CNIH3: variants seen among roughly 807,000 people sequenced by gnomAD.
CNIH3 encodes cornichon family AMPA receptor auxiliary protein 3.
In CNIH3, 14 loss-of-function variants were observed where a neutral mutation model predicts 24.1. That is an observed-to-expected ratio of 0.58 (90% CI 0.38 to 0.91). The LOEUF is 0.91. CNIH3 is among the 40% of genes least tolerant of loss of function. The pLI is 0.00. For synonymous variants in CNIH3, 68 were observed against 73.8 expected (o/e 0.92, Z 0.40); for missense variants, 178 against 196.8 (o/e 0.90, Z 0.57).
rs1412921759 is a variant in CNIH3, at chr1:224,740,316, TG to T, written c.*963del. The T allele has an allele frequency of 6.6e-6, 1 of 152,198 alleles. No homozygotes were observed. The highest frequency in any genetic ancestry group is 6.5e-5 in the Admixed American group (1 of 15,280). The allele number at this position is 152,198 out of a possible 1,614,324, so 9.4% of individuals were successfully genotyped here. Reference sequence around the variant, plus strand: ...TTTCCGTTTGGCATTCTCTTTTGGGTGGGAGTTATGCTGGGGGTTGTAAATA... The same window carrying T: ...TTTCCGTTTGGCATTCTCTTTTGGGTGGAGTTATGCTGGGGGTTGTAAATA... On this transcript the variant is annotated 3_prime_UTR_variant, in exon 6 of 6. Transcript: ENST00000272133.
At chr1:224,552,959 G>T (rs1679984866) in intron 3 of CNIH3, among the ~76,000 whole-genome samples, 1 of 150,180 alleles carries the variant, frequency 6.7e-6, no homozygotes, top group African/African-American at 2.4e-5. Context: ...TAGATATTAT[G>T]AATGATATCA....
intron 2 of CNIH3, among the ~76,000 whole-genome samples, chr1:224,533,588 C>T (rs906861825): frequency 3.3e-5 from 5 of 152,106 alleles, no homozygotes; most frequent in African/African-American, 1.2e-4. Context: ...TCTGAAGCCT[C>T]GAGGGGAGAA....
intron 1 of CNIH3, among the ~76,000 whole-genome samples, chr1:224,482,411 A>T (rs1204820339): frequency 2.0e-5 from 3 of 151,970 alleles, no homozygotes; most frequent in African/African-American, 7.3e-5. Context: ...CCTGATTACC[A>T]CTGCTGATTA....
At chr1:224,708,759 T>C (rs920763703) in intron 3 of CNIH3, among the ~76,000 whole-genome samples, 1 of 152,188 alleles carries the variant, frequency 6.6e-6, no homozygotes, top group Non-Finnish European at 1.5e-5. Context: ...TCTCTCCTTT[T>C]TCTCTCCTCC....
chr1:224,445,602 A>G (rs1394017977), intron 1 of CNIH3, among the ~76,000 whole-genome samples: 1 of 141,916 alleles, frequency 7.0e-6, no homozygotes, highest in Non-Finnish European at 1.5e-5. Flanking sequence ...AAAAAGAAAG[A>G]TTGTGTTGCC....
chr1:224,507,099 G>C (rs1454919639), intron 1 of CNIH3, among the ~76,000 whole-genome samples: 1 of 152,126 alleles, frequency 6.6e-6, no homozygotes, highest in Non-Finnish European at 1.5e-5. Flanking sequence ...TCCTGGGCTT[G>C]AGTGACCTGC....
At chr1:224,461,116 C>T (rs1015253117) in intron 1 of CNIH3, among the ~76,000 whole-genome samples, 9 of 151,686 alleles carry the variant, frequency 5.9e-5, no homozygotes, top group African/African-American at 1.7e-4. Context: ...AATTCTTGTG[C>T]GTTGGCTTCC....
At chr1:224,459,420 G>A (rs934954116) in intron 1 of CNIH3, among the ~76,000 whole-genome samples, 3 of 152,120 alleles carry the variant, frequency 2.0e-5, no homozygotes, top group South Asian at 4.1e-4. Flanking sequence ...GACCCTCAGC[G>A]ATATCCCAAG....
intron 1 of CNIH3, among the ~76,000 whole-genome samples, chr1:224,655,280 T>C (rs1044485540): frequency 6.6e-6 from 1 of 152,048 alleles, no homozygotes; most frequent in African/African-American, 2.4e-5. Flanking sequence ...CCTAATAAGA[T>C]CCTTGTGTCT....
intron 4 of CNIH3, chr1:224,574,400 G>A: frequency 2.0e-6 from 1 of 502,206 alleles, no homozygotes; most frequent in African/African-American, 1.9e-5. Context: ...TGAGGTACAT[G>A]GTTCTGGGTG....
intron 1 of CNIH3, among the ~76,000 whole-genome samples, chr1:224,617,966 G>A (rs943471807): frequency 6.6e-6 from 1 of 152,200 alleles, no homozygotes; most frequent in Admixed American, 6.5e-5. Context: ...CCTGCAGGTG[G>A]CGAACCTCCG....
chr1:224,641,569 C>T (rs1349145390), intron 1 of CNIH3, among the ~76,000 whole-genome samples: 1 of 152,192 alleles, frequency 6.6e-6, no homozygotes, highest in Non-Finnish European at 1.5e-5. Context: ...GAACTTCCAG[C>T]CCTGGGACAA....
At chr1:224,723,025 G>A (rs887925031) in intron 3 of CNIH3, among the ~76,000 whole-genome samples, 4 of 152,026 alleles carry the variant, frequency 2.6e-5, no homozygotes, top group African/African-American at 7.3e-5. Flanking sequence ...CCTGCACAGG[G>A]TACAGCTGGC....
At chr1:224,452,478 A>T (rs1675442206) in intron 1 of CNIH3, among the ~76,000 whole-genome samples, 1 of 151,892 alleles carries the variant, frequency 6.6e-6, no homozygotes, top group Admixed American at 6.6e-5. Flanking sequence ...GAAGAAATGG[A>T]TATTTTAAAA....
At chr1:224,656,114 A>T (rs1013277521) in intron 1 of CNIH3, among the ~76,000 whole-genome samples, 4 of 152,176 alleles carry the variant, frequency 2.6e-5, no homozygotes, top group Non-Finnish European at 5.9e-5. Flanking sequence ...CTATTGATCA[A>T]TTCCTCAATC....
At chr1:224,735,650 TTTA>T (rs1016808646) in intron 5 of CNIH3, among the ~76,000 whole-genome samples, 1 of 1,356 alleles carries the variant, frequency 7.4e-4, no homozygotes, top group African/African-American at 8.1e-4. Flanking sequence ...TTTTTTATTT[TTTA>T]TTATTTTTTA....
In CNIH3 at chr1:224,667,585, GAGGTGCAA is replaced by G. The variant is rs1262229051; in HGVS notation, c.82-13371_82-13364del. Among the ~76,000 whole-genome samples, 3 of 152,282 alleles carry G rather than the reference GAGGTGCAA, an allele frequency of 2.0e-5. No individual in the cohort carries two copies. In the East Asian group the frequency reaches 5.8e-4, roughly 29 times the overall value. On this transcript the variant is annotated intron_variant, in intron 1 of 5. Transcript: ENST00000272133. Reference sequence around the variant, plus strand: ...AGAGTTGCTCCAACTCATCTCTGGAGAGGTGCAAATTAAAACAAGAGAGAGACTGCACT... The same window carrying G: ...AGAGTTGCTCCAACTCATCTCTGGAGATTAAAACAAGAGAGAGACTGCACT...
chr1:224,475,534 T>C (rs1676554997), intron 1 of CNIH3, among the ~76,000 whole-genome samples: 1 of 151,978 alleles, frequency 6.6e-6, no homozygotes, highest in Non-Finnish European at 1.5e-5. Context: ...GACTGAACCA[T>C]GAAGAAATCC....
intron 1 of CNIH3, among the ~76,000 whole-genome samples, chr1:224,497,188 T>C (rs1677473167): frequency 6.6e-6 from 1 of 151,974 alleles, no homozygotes; most frequent in African/African-American, 2.4e-5. Flanking sequence ...AGACAGAAAG[T>C]AGAGGAGTGG....
Sources: allele counts gnomAD v4.1 joint callset (sites outside exome capture counted in the v4.1 genomes callset), GRCh38; gene constraint gnomAD v4.1.1; transcripts MANE v1.5; gene names NCBI Gene and HGNC (gene_info 2026-07-23, HGNC 2026-07-21).